The following COLEC11 variants were observed in gnomAD, a reference collection of about 807,000 sequenced individuals.
COLEC11 encodes the protein collectin-11.
Under a neutral mutation model 27.3 loss-of-function variants are expected in COLEC11, and 20 were observed. The ratio of observed to expected loss-of-function variants is 0.73; its 90% CI spans 0.51 to 1.06. COLEC11 has a LOEUF of 1.06. Among genes scored for constraint, COLEC11 ranks in the 50% least tolerant of loss-of-function variants. The pLI is 0.00. For synonymous variants in COLEC11, 163 were observed against 154.7 expected (o/e 1.05, Z -0.40); for missense variants, 310 against 383.0 (o/e 0.81, Z 1.59).
At chr2:3,597,358 G>A (rs567323999) in intron 1 of COLEC11, among the ~76,000 whole-genome samples, 71 of 148,232 alleles carry the variant, frequency 4.8e-4, no homozygotes, top group Non-Finnish European at 8.9e-4. Context: ...GAAGGCATGA[G>A]AAATCCCACC....
chr2:3,640,247 T>A, intron 4 of COLEC11, 31 bp from the exon 5 acceptor site: 2 of 1,429,136 alleles, frequency 1.4e-6, no homozygotes, highest in East Asian at 2.3e-5. Flanking sequence ...CATCTCTGCC[T>A]GGTGACTTGG....
intron 1 of COLEC11, among the ~76,000 whole-genome samples, chr2:3,598,615 G>A (rs920342778): frequency 2.6e-5 from 4 of 152,200 alleles, no homozygotes; most frequent in African/African-American, 9.6e-5. Context: ...CCGCTTTTCG[G>A]TTGCCCTTAT....
chr2:3,613,169 G>A (rs985888129), intron 2 of COLEC11, 142 bp from the exon 3 acceptor site: 24 of 843,478 alleles, frequency 2.8e-5, no homozygotes, highest in Admixed American at 6.1e-5. Flanking sequence ...GGCTGCAGGC[G>A]GGGAGGGAGG....
At chr2:3,641,387 C>T in intron 5 of COLEC11, 1 of 1,300,314 alleles carries the variant, frequency 7.7e-7, no homozygotes, top group Non-Finnish European at 1.0e-6. Context: ...ACTCAGCCAA[C>T]CTGAGGGGCC....
chr2:3,604,331 T>C lies in COLEC11; in HGVS notation c.-10T>C. The stretch of plus-strand genomic sequence containing the variant: ...TCTGTGTAGGAGTTGGTGTCCTGCC[T>C]GCGCTCAGGATGAGGGGGAATCTGG... On this transcript the variant is annotated 5_prime_UTR_variant, in exon 2 of 7. Coordinates refer to ENST00000349077, the MANE Select transcript of COLEC11 (RefSeq NM_024027.5). 2 of 1,614,222 alleles carry C rather than the reference T, an allele frequency of 1.2e-6. No homozygotes were observed. Among genetic ancestry groups the C allele is most frequent in the East Asian group, 2.2e-5 (1 of 44,880 alleles).
chr2:3,642,058 G>T (rs1488380508), intron 5 of COLEC11, among the ~76,000 whole-genome samples: 1 of 152,268 alleles, frequency 6.6e-6, no homozygotes, highest in Non-Finnish European at 1.5e-5. Flanking sequence ...CAAACTCGCA[G>T]CCGGAGGGAA....
intron 5 of COLEC11, among the ~76,000 whole-genome samples, 161 bp from the exon 6 acceptor site, chr2:3,643,283 C>G (rs371684305): frequency 1.4e-3 from 211 of 152,360 alleles, no homozygotes; most frequent in African/African-American, 4.9e-3. Flanking sequence ...TCCCTGCTCC[C>G]CCTGCCTTTA....
intron 3 of COLEC11, among the ~76,000 whole-genome samples, chr2:3,617,044 A>G (rs79701910): frequency 6.6e-6 from 1 of 151,876 alleles, no homozygotes; most frequent in African/African-American, 2.4e-5. Context: ...AACTGTAGGG[A>G]TCTCTTCAAG....
At chr2:3,604,561 A>G (rs113561085) in intron 2 of COLEC11, 91 bp downstream of exon 2, 6 of 1,431,208 alleles carry the variant, frequency 4.2e-6, no homozygotes, top group East Asian at 2.3e-5. Flanking sequence ...ACGGAAAAGC[A>G]CAAAGCCCCA....
intron 1 of COLEC11, chr2:3,603,996 C>G (rs566389291): frequency 1.4e-4 from 79 of 567,418 alleles, no homozygotes; most frequent in African/African-American, 1.3e-3. Context: ...ACCCCTACTC[C>G]ACTCTGTGTA....
At chr2:3,603,569 A>T in intron 1 of COLEC11, 2 of 1,403,658 alleles carry the variant, frequency 1.4e-6, no homozygotes, top group Non-Finnish European at 2.0e-6. Context: ...TGCCCACCTC[A>T]GCCTCCCAAA....
intron 3 of COLEC11, among the ~76,000 whole-genome samples, chr2:3,622,041 C>T (rs1029680663): frequency 4.6e-5 from 7 of 151,742 alleles, no homozygotes; most frequent in Non-Finnish European, 8.8e-5. Flanking sequence ...GCCGGGTGCT[C>T]GCCTGTAGTC....
chr2:3,640,168 G>A, intron 4 of COLEC11, 110 bp from the exon 5 acceptor site: 1 of 745,868 alleles, frequency 1.3e-6, no homozygotes, highest in Non-Finnish European at 2.4e-6. Context: ...AGCAACAAGA[G>A]GGCCTGGGAT....
chr2:3,624,356 TGGG>T (rs1486410389), intron 3 of COLEC11, among the ~76,000 whole-genome samples: 3 of 152,152 alleles, frequency 2.0e-5, no homozygotes, highest in African/African-American at 7.2e-5. Flanking sequence ...ATCAGCTTGT[TGGG>T]GGGCTTCCTA....
intron 3 of COLEC11, among the ~76,000 whole-genome samples, chr2:3,618,091 A>G (rs1315468490): frequency 6.6e-6 from 1 of 152,258 alleles, no homozygotes; most frequent in Non-Finnish European, 1.5e-5. Context: ...TTTGGATATT[A>G]ACCTCTTATC....
intron 4 of COLEC11, 52 bp downstream of exon 4, chr2:3,637,656 G>A (rs568604291): frequency 1.1e-5 from 15 of 1,362,770 alleles, no homozygotes; most frequent in East Asian, 9.1e-5. Context: ...TAGGGTCAGC[G>A]TCTGGATACC....
At chr2:3,633,588 C>G (rs915524507) in intron 3 of COLEC11, among the ~76,000 whole-genome samples, 8 of 152,026 alleles carry the variant, frequency 5.3e-5, no homozygotes, top group Non-Finnish European at 1.2e-4. Flanking sequence ...GATCTGGCAG[C>G]CTGGACCTCC....
chr2:3,619,652 G>A (rs1198612341), intron 3 of COLEC11, among the ~76,000 whole-genome samples: 1 of 152,160 alleles, frequency 6.6e-6, no homozygotes, highest in Non-Finnish European at 1.5e-5. Context: ...TTGAGACGGA[G>A]TCTTGCTCTG....
At chr2:3,643,009 C>T (rs1665984948) in intron 5 of COLEC11, among the ~76,000 whole-genome samples, 1 of 152,246 alleles carries the variant, frequency 6.6e-6, no homozygotes, top group Non-Finnish European at 1.5e-5. Flanking sequence ...CCACCTCTTC[C>T]ATTCCTGACA....
Sources: allele counts gnomAD v4.1 joint callset (sites outside exome capture counted in the v4.1 genomes callset), GRCh38; gene constraint gnomAD v4.1.1; transcripts MANE v1.5; gene names NCBI Gene and HGNC (gene_info 2026-07-23, HGNC 2026-07-21).